Variants in CCDC15 observed in about 807,000 individuals in gnomAD.
The protein encoded by CCDC15 is coiled-coil domain-containing protein 15.
In CCDC15, 105 loss-of-function variants were observed where a neutral mutation model predicts 114.5. The observed-to-expected ratio is 0.92, with a 90% confidence interval of 0.78 to 1.08. The LOEUF (loss-of-function observed/expected upper bound fraction) is 1.08. Ranked by LOEUF, CCDC15 falls within the 50% of genes least tolerant of loss-of-function variation. CCDC15 has a pLI of 0.00. For synonymous variants in CCDC15, 334 were observed against 377.8 expected, an observed-to-expected ratio of 0.88 and a Z score of 1.34; for missense variants, 1,105 against 1,093.6, an observed-to-expected ratio of 1.01 and a Z score of -0.15.
chr11:124,960,323 C>CAAAA (rs1206885094), intron 4 of CCDC15, among the ~76,000 whole-genome samples: 5 of 23,504 alleles, frequency 2.1e-4, no homozygotes, highest in Non-Finnish European at 4.4e-4. Flanking sequence ...GACTCCGTCT[C>CAAAA]AAAAAAAAAA....
chr11:124,987,221 C>G lies in CCDC15; in HGVS notation c.995C>G (p.Ala332Gly), dbSNP rs767570064. The change falls in exon 8 of 16, where the codon GCC (alanine) becomes GGC (glycine). Residue 332 changes from alanine to glycine, a missense_variant. Ala to Gly is a moderately conservative substitution (Grantham distance 60, BLOSUM62 0). Coordinates refer to ENST00000344762, the MANE Select transcript of CCDC15 (RefSeq NM_025004.3). ...FEGLQDILPE[A>G]QDYFLEAQGD... ...GGCCTTCAGGATATTCTGCCAGAAG[C>G]CCAGGATTATTTTCTAGAAGCCCAA... 10 of 1,545,564 alleles carry G rather than the reference C, an allele frequency of 6.5e-6. No homozygotes were observed. Among genetic ancestry groups the G allele is most frequent in the Non-Finnish European group, 7.8e-6 (9 of 1,152,896 alleles).
rs777820928 is a variant in CCDC15 at position 124,959,868 on chromosome 11, CA to C, written c.385del (p.Arg129GlyfsTer9). On this transcript the variant is annotated frameshift_variant, in exon 4 of 16. Coordinates refer to ENST00000344762, the MANE Select transcript of CCDC15 (RefSeq NM_025004.3). LOFTEE classifies it high-confidence loss of function. ...AGTCTTCAGCAACACACTTAACTTC[CA>C]AAAGGACAAGTGTTTTTCCAAACAA... ...MQSSATHLTSKRTSVFPNNLN... is the reference protein window; with the variant it reads ...MQSSATHLTSXRTSVFPNNLN... 1.3e-6 allele frequency: 2 copies of C among 1,599,802 alleles called. No homozygotes were observed. Among genetic ancestry groups the C allele is most frequent in the African/African-American group, 1.3e-5 (1 of 74,748 alleles).
chr11:125,015,129 A>T (rs1948619932), intron 13 of CCDC15, among the ~76,000 whole-genome samples: 1 of 152,190 alleles, frequency 6.6e-6, no homozygotes, highest in Admixed American at 6.5e-5. Context: ...AGGGAATGTC[A>T]GAGCCTTGAT....
intron 4 of CCDC15, among the ~76,000 whole-genome samples, chr11:124,961,794 G>T (rs10893309): frequency 0.22 from 33,638 of 151,970 alleles, 4,320 homozygotes; most frequent in East Asian, 0.34. Flanking sequence ...CCAAAGTGCT[G>T]GGATTACAGG....
intron 4 of CCDC15, among the ~76,000 whole-genome samples, chr11:124,974,209 G>T: frequency 6.6e-6 from 1 of 152,110 alleles, no homozygotes; most frequent in African/African-American, 2.4e-5. Context: ...TCGAACTCCT[G>T]ACCTCAGGTG....
intron 13 of CCDC15, among the ~76,000 whole-genome samples, chr11:125,036,490 C>T (rs939138507): frequency 6.6e-6 from 1 of 150,994 alleles, no homozygotes; most frequent in African/African-American, 2.4e-5. Flanking sequence ...CCTTCTTGCA[C>T]TTGAATATTG....
Position 124,954,861 on chromosome 11 carries a change from G to A in CCDC15, c.129G>A (p.Gly43=), listed in dbSNP as rs1371446967. The change falls in exon 2 of 16, where the codon GGG becomes GGA. Residue 43 remains glycine (G), a synonymous_variant. Coordinates refer to ENST00000344762, the MANE Select transcript of CCDC15 (RefSeq NM_025004.3). ...AERNEAIVPV[G]AWVEPASPGS... Reference sequence around the variant, plus strand: ...GGAACGAGGCTATAGTACCAGTTGGGGCATGGGTGGAACCTGCCTCACCAG... The same window carrying A: ...GGAACGAGGCTATAGTACCAGTTGGAGCATGGGTGGAACCTGCCTCACCAG... The A allele has an allele frequency of 1.2e-6, 2 of 1,613,962 alleles. No individual in the cohort carries two copies. Among genetic ancestry groups the A allele is most frequent in the Non-Finnish European group, 1.7e-6 (2 of 1,179,882 alleles).
At chr11:125,027,116 C>T (rs528205689) in intron 13 of CCDC15, among the ~76,000 whole-genome samples, 50 of 152,164 alleles carry the variant, frequency 3.3e-4, no homozygotes, top group African/African-American at 1.2e-3. Context: ...ATATACACCA[C>T]GTTTTCTTTA....
In CCDC15 at chr11:124,959,856, A is replaced by G. The variant is rs1414693096; in HGVS notation, c.369A>G (p.Thr123=). Residue 123 remains threonine, a synonymous_variant, in exon 4 of 16, where the codon ACA becomes ACG. Coordinates refer to ENST00000344762, the MANE Select transcript of CCDC15 (RefSeq NM_025004.3). The stretch of plus-strand genomic sequence containing the variant: ...CCATAGCCATGCAGTCTTCAGCAAC[A>G]CACTTAACTTCCAAAAGGACAAGTG... ...EGSIAMQSSA[T]HLTSKRTSVF... 1.9e-6 allele frequency: 3 copies of G among 1,602,394 alleles called. No homozygotes were observed. The highest frequency in any genetic ancestry group is 2.6e-6 in the Non-Finnish European group (3 of 1,173,662).
rs76478253 is a variant in CCDC15, at chr11:124,977,073, G to C, written c.631-405G>C. 3.2e-3 allele frequency among the ~76,000 whole-genome samples: 491 copies of C among 152,208 alleles called. 13 individuals are homozygous for C. In the East Asian group the frequency reaches 0.065, roughly 20 times the overall value. On this transcript the variant is annotated intron_variant, in intron 5 of 15. Transcript: ENST00000344762. The stretch of plus-strand genomic sequence containing the variant: ...AAATCAGAAAGAACAATCTATGATT[G>C]AGTTGAACCCTGGTTTTATTTCATT...
chr11:124,992,628 C>T lies in CCDC15; in HGVS notation c.2080C>T (p.Leu694=), dbSNP rs1414522615. The T allele has an allele frequency of 6.2e-7, 1 of 1,601,714 alleles. No individual in the cohort carries two copies. Among genetic ancestry groups the T allele is most frequent in the Non-Finnish European group, 8.5e-7 (1 of 1,173,676 alleles). Residue 694 remains leucine, a synonymous_variant, in exon 10 of 16, where the codon CTG becomes TTG. Transcript: ENST00000344762. Reference sequence around the variant, plus strand: ...AGAAAGAGTGAGAGAAGAATTGCCTCTGGACTATCATCAATATGTTGTACC... The same window carrying T: ...AGAAAGAGTGAGAGAAGAATTGCCTTTGGACTATCATCAATATGTTGTACC... ...REERVREELP[L]DYHQYVVPKI...
At chr11:125,034,199 T>A (rs1439660474) in intron 13 of CCDC15, among the ~76,000 whole-genome samples, 1 of 152,178 alleles carries the variant, frequency 6.6e-6, no homozygotes, top group Non-Finnish European at 1.5e-5. Flanking sequence ...TTGCCACTAC[T>A]GGGGATGAGA....
In CCDC15 at chr11:124,968,781, A is replaced by C. The variant is rs138986074; in HGVS notation, c.517-6315A>C. Among the ~76,000 whole-genome samples, 272 of 152,302 alleles carry C rather than the reference A, an allele frequency of 1.8e-3. 1 individual carries two copies. Among genetic ancestry groups the C allele is most frequent in the African/African-American group, 6.0e-3 (251 of 41,560 alleles). On this transcript the variant is annotated intron_variant, in intron 4 of 15. Transcript: ENST00000344762. ...AGACCGGAGCTGTTCCTATTCAGCC[A>C]TCTTGGAATGGACCCCCCAATTCTT...
intron 2 of CCDC15, among the ~76,000 whole-genome samples, chr11:124,957,677 T>C (rs897821129): frequency 2.6e-5 from 4 of 152,226 alleles, no homozygotes; most frequent in Admixed American, 2.6e-4. Flanking sequence ...TATCTCTCCG[T>C]TGGAATTATT....
chr11:124,999,323 G>A (rs181148625), intron 11 of CCDC15, among the ~76,000 whole-genome samples: 31 of 152,178 alleles, frequency 2.0e-4, no homozygotes, highest in African/African-American at 6.7e-4. Context: ...AATTTGGGAA[G>A]TTTTTTGCCA....
chr11:124,973,669 G>A (rs1321878779), intron 4 of CCDC15, among the ~76,000 whole-genome samples: 2 of 151,978 alleles, frequency 1.3e-5, no homozygotes, highest in African/African-American at 2.4e-5. Flanking sequence ...TGTCGTCCAG[G>A]TTAGGGTGCG....
chr11:124,983,384 C>CT (rs1948105272), intron 6 of CCDC15, among the ~76,000 whole-genome samples: 1 of 151,836 alleles, frequency 6.6e-6, no homozygotes, highest in East Asian at 1.9e-4. Context: ...TGTCAGAGTT[C>CT]TTGCACTGGT....
chr11:125,039,155 G>T, intron 15 of CCDC15, 86 bp downstream of exon 15: 1 of 1,281,778 alleles, frequency 7.8e-7, no homozygotes, highest in Non-Finnish European at 1.1e-6. Flanking sequence ...ACCATTTATT[G>T]AGTGCTTACT....
intron 13 of CCDC15, among the ~76,000 whole-genome samples, chr11:125,011,248 A>AT (rs71478462): frequency 1.8e-4 from 26 of 147,236 alleles, no homozygotes; most frequent in African/African-American, 6.0e-4. Flanking sequence ...TATTATTATT[A>AT]TTTTTTAAGA....
Sources: allele counts gnomAD v4.1 joint callset (sites outside exome capture counted in the v4.1 genomes callset), GRCh38; gene constraint gnomAD v4.1.1; transcripts MANE v1.5; gene names NCBI Gene and HGNC (gene_info 2026-07-23, HGNC 2026-07-21).